The following MAP3K20 variants were observed in gnomAD, a reference collection of about 807,000 sequenced individuals.
MAP3K20 encodes the protein mitogen-activated protein kinase kinase kinase 20.
Under a neutral mutation model 85.7 loss-of-function variants are expected in MAP3K20, and 40 were observed. That is an observed-to-expected ratio of 0.47 (90% confidence interval 0.36 to 0.61). MAP3K20 has a LOEUF of 0.61. Among genes scored for constraint, MAP3K20 ranks in the 20% least tolerant of loss-of-function variants. The probability of loss-of-function intolerance (pLI) is 0.00; values close to 1 mark genes in which losing one functional copy is unlikely to be tolerated. For synonymous variants in MAP3K20, 325 were observed against 327.7 expected (o/e 0.99, Z 0.09); for missense variants, 817 against 961.7 (o/e 0.85, Z 1.99).
intron 2 of MAP3K20, among the ~76,000 whole-genome samples, chr2:173,143,066 C>T (rs949755450): frequency 2.6e-5 from 4 of 151,912 alleles, no homozygotes; most frequent in African/African-American, 9.7e-5. Context: ...AAAACAAGAC[C>T]CAACTATATG....
intron 2 of MAP3K20, among the ~76,000 whole-genome samples, chr2:173,098,738 T>G (rs1448397018): frequency 1.3e-5 from 2 of 152,206 alleles, no homozygotes; most frequent in African/African-American, 2.4e-5. Flanking sequence ...TGTGAGTTAT[T>G]AAATAATCTC....
intron 4 of MAP3K20, 79 bp from the exon 5 acceptor site, chr2:173,187,479 C>G: frequency 3.2e-6 from 4 of 1,252,942 alleles, no homozygotes; most frequent in Non-Finnish European, 4.4e-6. Flanking sequence ...CTCTTGAGTT[C>G]TTTGAAAAAC....
chr2:173,184,094 C>G (rs1029276729), intron 4 of MAP3K20, among the ~76,000 whole-genome samples: 1 of 152,094 alleles, frequency 6.6e-6, no homozygotes, highest in Non-Finnish European at 1.5e-5. Context: ...ATTGATGCAT[C>G]GGGCATCTCA....
At chr2:173,229,444 C>T (rs1023659718) in intron 11 of MAP3K20, among the ~76,000 whole-genome samples, 1 of 152,060 alleles carries the variant, frequency 6.6e-6, no homozygotes, top group Non-Finnish European at 1.5e-5. Context: ...AAACCAGGTA[C>T]CAACAAAGGA....
intron 7 of MAP3K20, among the ~76,000 whole-genome samples, chr2:173,191,987 A>T (rs1690665649): frequency 6.6e-6 from 1 of 152,186 alleles, no homozygotes; most frequent in African/African-American, 2.4e-5. Context: ...CCTTTTGTTG[A>T]GGATAAACTT....
Position 173,243,896 on chromosome 2 carries a change from GATT to G in MAP3K20, c.1359+4402_1359+4404del, listed in dbSNP as rs536605528. Among the ~76,000 whole-genome samples, 14 of 152,308 alleles carry G rather than the reference GATT, an allele frequency of 9.2e-5. No homozygotes were observed. The East Asian group carries it at 1.9e-3, about 21-fold the overall frequency. On this transcript the variant is annotated intron_variant, in intron 16 of 19. Coordinates refer to ENST00000375213, the MANE Select transcript of MAP3K20 (RefSeq NM_016653.3). Reference sequence around the variant, plus strand: ...CCGCCTCGGCCTCCCAAAGTGCTGGGATTACAGGCGTGAGTCACTGCGCCCGGC... The same window carrying G: ...CCGCCTCGGCCTCCCAAAGTGCTGGGACAGGCGTGAGTCACTGCGCCCGGC...
At chr2:173,187,725 A>G (rs755089691) in intron 5 of MAP3K20, 102 bp downstream of exon 5, 37 of 1,015,526 alleles carry the variant, frequency 3.6e-5, no homozygotes, top group Admixed American at 7.7e-5. Context: ...GTAACCTACT[A>G]TTGGACTCAC....
chr2:173,105,339 A>G (rs1317992956), intron 2 of MAP3K20, among the ~76,000 whole-genome samples: 1 of 152,200 alleles, frequency 6.6e-6, no homozygotes, highest in Non-Finnish European at 1.5e-5. Flanking sequence ...CTGTGAAAAT[A>G]ATCAAGGACG....
At chr2:173,247,337 T>C (rs1313255508) in intron 16 of MAP3K20, among the ~76,000 whole-genome samples, 1 of 106,880 alleles carries the variant, frequency 9.4e-6, no homozygotes, top group East Asian at 2.2e-4. Context: ...CAAATAGGGC[T>C]TTTTTTTTTC....
At chr2:173,240,487 CTCTT>C (rs755089245) in intron 16 of MAP3K20, among the ~76,000 whole-genome samples, 28 of 152,148 alleles carry the variant, frequency 1.8e-4, no homozygotes, top group African/African-American at 3.4e-4. Flanking sequence ...TCCAAAGATG[CTCTT>C]TCTAATAATC....
At chr2:173,154,255 C>T (rs1689391297) in intron 2 of MAP3K20, among the ~76,000 whole-genome samples, 1 of 152,184 alleles carries the variant, frequency 6.6e-6, no homozygotes, top group Non-Finnish European at 1.5e-5. Context: ...ATGATCTCGG[C>T]TCACTGCAAC....
At chr2:173,170,047 A>G (rs1327147262) in intron 3 of MAP3K20, among the ~76,000 whole-genome samples, 155 bp downstream of exon 3, 1 of 152,212 alleles carries the variant, frequency 6.6e-6, no homozygotes, top group Admixed American at 6.5e-5. Context: ...AACTGATTAT[A>G]TCAATATAAT....
chr2:173,083,080 T>C (rs1365531335), intron 1 of MAP3K20, among the ~76,000 whole-genome samples: 4 of 152,348 alleles, frequency 2.6e-5, no homozygotes, highest in African/African-American at 9.6e-5. Flanking sequence ...ATTCTTACCA[T>C]TGCTCTAACT....
chr2:173,266,230 C>A lies in MAP3K20; in HGVS notation c.1883C>A (p.Thr628Lys), dbSNP rs1314948758. ...GTGCCCATTAAGTATCAACAGATTA[C>A]ACCTGTGAACCAGTCCAGAAGCTCG... ...PQVPIKYQQI[T>K]PVNQSRSSSP... The change falls in exon 20 of 20, where the codon ACA becomes AAA. Residue 628 changes from threonine to lysine, a missense_variant. Coordinates refer to ENST00000375213, the MANE Select transcript of MAP3K20 (RefSeq NM_016653.3). 1 of 1,614,008 alleles carries A rather than the reference C, an allele frequency of 6.2e-7. No individual in the cohort carries two copies. The highest frequency in any genetic ancestry group is 8.5e-7 in the Non-Finnish European group (1 of 1,180,010).
chr2:173,207,163 T>C (rs74654865), intron 9 of MAP3K20, among the ~76,000 whole-genome samples: 137 of 152,154 alleles, frequency 9.0e-4, no homozygotes, highest in African/African-American at 1.5e-3. Context: ...AGGTGGGTAT[T>C]GGTTCAGGTC....
chr2:173,106,919 A>G (rs1289806055), intron 2 of MAP3K20, among the ~76,000 whole-genome samples: 1 of 152,172 alleles, frequency 6.6e-6, no homozygotes, highest in Non-Finnish European at 1.5e-5. Context: ...GTCATGACCA[A>G]AGGAATTTGT....
At position 173,266,588 on chromosome 2, in the gene MAP3K20, T is replaced by C. The variant is rs777382897; in HGVS notation, c.2241T>C (p.Pro747=). 3.7e-6 allele frequency: 6 copies of C among 1,613,674 alleles called. No individual in the cohort carries two copies. In the South Asian group the frequency reaches 6.6e-5, roughly 18 times the overall value. Residue 747 remains proline (P), a synonymous_variant, in exon 20 of 20, where the codon CCT becomes CCC. Transcript: ENST00000375213. ...LHQPNTIPGM[P]LHPETDSRAS... is the part of the protein sequence containing the mutation. ...AACCCAACACCATACCAGGGATGCC[T>C]TTGCACCCTGAGACTGACTCAAGAG...
rs374444881 is a variant in MAP3K20, at chr2:173,217,072, C to A, written c.852-43C>A. 1.2e-4 allele frequency: 172 copies of A among 1,419,072 alleles called. No individual in the cohort carries two copies. In the South Asian group the frequency reaches 1.8e-3, roughly 15 times the overall value. The allele number at this position is 1,419,072 out of a possible 1,614,324, so 87.9% of individuals were successfully genotyped here. A position where few individuals can be genotyped will look rare whatever the true frequency, so the allele number is the denominator to read the frequency against. On this transcript the variant is annotated intron_variant, in intron 10 of 19. Coordinates refer to ENST00000375213, the MANE Select transcript of MAP3K20 (RefSeq NM_016653.3). ...GATGGACCCACTAAGCGCTTGATGTCTCTTAAGTAAAGTTGAGACTTACAC... is the reference window on the plus strand; with the variant it reads ...GATGGACCCACTAAGCGCTTGATGTATCTTAAGTAAAGTTGAGACTTACAC...
intron 2 of MAP3K20, among the ~76,000 whole-genome samples, chr2:173,134,422 A>ATTTTTTTT (rs1254043752): frequency 2.8e-3 from 17 of 6,160 alleles, no homozygotes; most frequent in Non-Finnish European, 4.3e-3. Flanking sequence ...ATATATATAT[A>ATTTTTTTT]TATATATTTT....
Sources: gnomAD v4.1 joint callset for allele counts (sites outside exome capture counted in the v4.1 genomes callset) on GRCh38, gnomAD v4.1.1 for gene constraint, MANE v1.5 for transcripts, NCBI Gene and HGNC (gene_info 2026-07-23, HGNC 2026-07-21) for gene names.